The following SRSF5 variants were observed in gnomAD, a reference collection of about 807,000 sequenced individuals.
The protein encoded by SRSF5 is serine/arginine-rich splicing factor 5.
In SRSF5, 5 loss-of-function variants were observed where a neutral mutation model predicts 34.0. The observed-to-expected ratio is 0.15, with a 90% CI of 0.08 to 0.31. The LOEUF is 0.31. SRSF5 is among the 10% of genes least tolerant of loss of function. SRSF5 has a pLI of 1.00. For missense variants in SRSF5, 223 were observed against 351.4 expected (o/e 0.63, Z 2.92); for synonymous variants, 164 against 117.7 (o/e 1.39, Z -2.55).
In SRSF5 at chr14:69,771,532, G is replaced by A; in HGVS notation, c.*71G>A. On this transcript the variant is annotated 3_prime_UTR_variant, in exon 8 of 8. Transcript: ENST00000557154. ...CCACAAAAATTCCCAAACCATACTTGCTAAAAATTCTGGTAAGTATGTGCT... is the reference window on the plus strand; with the variant it reads ...CCACAAAAATTCCCAAACCATACTTACTAAAAATTCTGGTAAGTATGTGCT... 7.2e-7 allele frequency: 1 copy of A among 1,393,470 alleles called. No homozygotes were observed. Among genetic ancestry groups the A allele is most frequent in the Non-Finnish European group, 9.5e-7 (1 of 1,049,112 alleles). The allele number at this position is 1,393,470 out of a possible 1,614,324, so 86.3% of individuals were successfully genotyped here.
At chr14:69,767,438 A>C (rs1403381317) in intron 1 of SRSF5, 183 bp downstream of exon 1, 2 of 455,680 alleles carry the variant, frequency 4.4e-6, no homozygotes, top group East Asian at 1.4e-4. Context: ...CTGAGGTGAA[A>C]GGGCGGTCAC....
chr14:69,767,164 C>A lies in SRSF5; in HGVS notation c.-111C>A, dbSNP rs1178445337. 5.9e-6 allele frequency: 2 copies of A among 339,838 alleles called. No homozygotes were observed. Among genetic ancestry groups the A allele is most frequent in the Non-Finnish European group, 1.2e-5 (2 of 171,244 alleles). The allele number at this position is 339,838 out of a possible 1,614,324, so 21.1% of individuals were successfully genotyped here. A position where few individuals can be genotyped will look rare whatever the true frequency, so the allele number is the denominator to read the frequency against. ...TGCGTCAGTTGTGGAGTGGCGTAGA[C>A]GAGTTAAGTCCTGGTCTGCGTGGAG... On this transcript the variant is annotated 5_prime_UTR_variant, in exon 1 of 8. Coordinates refer to ENST00000557154, the MANE Select transcript of SRSF5 (RefSeq NM_001320214.2).
chr14:69,769,502 A>G, intron 5 of SRSF5: 4 of 1,535,348 alleles, frequency 2.6e-6, no homozygotes, highest in Non-Finnish European at 3.5e-6. Flanking sequence ...TAAACCCTTT[A>G]TTTGCCAGCC....
At chr14:69,769,678 C>T (rs569465958) in intron 5 of SRSF5, 1 of 1,488,392 alleles carries the variant, frequency 6.7e-7, no homozygotes, top group Non-Finnish European at 8.9e-7. Flanking sequence ...CGGTGCACTT[C>T]CTTGAAGTGC....
intron 2 of SRSF5, 119 bp downstream of exon 2, chr14:69,768,401 G>A: frequency 2.1e-6 from 3 of 1,452,916 alleles, no homozygotes; most frequent in East Asian, 4.6e-5. Flanking sequence ...CCAGCCTTAT[G>A]TCTGAATTTT....
intron 1 of SRSF5, 50 bp downstream of exon 1, chr14:69,767,305 T>C (rs763127525): frequency 1.6e-5 from 7 of 433,978 alleles, no homozygotes; most frequent in South Asian, 6.5e-5. Context: ...GGCTTCTTCA[T>C]GGCCGCTCAG....
rs1283785868 is a variant in SRSF5, at chr14:69,771,701, G to T, written c.*240G>T. Reference sequence around the variant, plus strand: ...GCTCACATTTTTGTGAATGTCTGAAGTATATAGTTTGTGTATATTGACAGA... The same window carrying T: ...GCTCACATTTTTGTGAATGTCTGAATTATATAGTTTGTGTATATTGACAGA... On this transcript the variant is annotated 3_prime_UTR_variant, in exon 8 of 8. Transcript: ENST00000557154. 1 of 500,910 alleles carries T rather than the reference G, an allele frequency of 2.0e-6. No homozygotes were observed. The highest frequency in any genetic ancestry group is 3.4e-5 in the East Asian group (1 of 29,740). 31.0% of individuals were successfully genotyped at this position (500,910 alleles called of 1,614,324 possible). A position where few individuals can be genotyped will look rare whatever the true frequency, so the allele number is the denominator to read the frequency against.
intron 1 of SRSF5, chr14:69,767,722 C>A (rs1882678913): frequency 5.6e-6 from 2 of 358,314 alleles, no homozygotes; most frequent in Non-Finnish European, 1.1e-5. Context: ...TTGGCGCAGG[C>A]GCGGTCGAGG....
Position 69,768,201 on chromosome 14 carries a change from C to G in SRSF5, c.45C>G (p.Ala15=), listed in dbSNP as rs773582219. ...TCATCGGGAGACTAAATCCAGCGGC[C>G]AGGGAGAAGGACGTGGAAAGATTCT... ...RVFIGRLNPA[A]REKDVERFFK... is the part of the protein sequence containing the mutation. Residue 15 remains alanine (A), a synonymous_variant, in exon 2 of 8, where the codon GCC becomes GCG. Coordinates refer to ENST00000557154, the MANE Select transcript of SRSF5 (RefSeq NM_001320214.2). 6.8e-6 allele frequency: 11 copies of G among 1,614,110 alleles called. No homozygotes were observed. The East Asian group carries it at 1.1e-4, about 16-fold the overall frequency.
rs1883259622 is a variant in SRSF5 at position 69,771,921 on chromosome 14, A to G, written c.*460A>G. 1 of 162,636 alleles carries G rather than the reference A, an allele frequency of 6.1e-6. No homozygotes were observed. The highest frequency in any genetic ancestry group is 1.3e-5 in the Non-Finnish European group (1 of 74,132). 10.1% of individuals were successfully genotyped at this position (162,636 alleles called of 1,614,324 possible). On this transcript the variant is annotated 3_prime_UTR_variant, in exon 8 of 8. Transcript: ENST00000557154. ...TTAATTTGTTTTCCTTGTTAGGGTC[A>G]AGGGTGTCCTCCACTCTTTAACAGC...
chr14:69,767,617 G>T (rs765572371), intron 1 of SRSF5: 1 of 444,452 alleles, frequency 2.2e-6, no homozygotes, highest in African/African-American at 2.0e-5. Context: ...GGGTTGCTGG[G>T]AGGAGAAGGG....
intron 2 of SRSF5, 121 bp downstream of exon 2, chr14:69,768,403 C>A: frequency 6.9e-7 from 1 of 1,445,044 alleles, no homozygotes. Context: ...AGCCTTATGT[C>A]TGAATTTTAT....
At position 69,771,207 on chromosome 14, in the gene SRSF5, A is replaced by C. The variant is rs200249998; in HGVS notation, c.565A>C (p.Arg189=). The C allele has an allele frequency of 4.5e-5, 73 of 1,614,048 alleles. No homozygotes were observed. Among genetic ancestry groups the C allele is most frequent in the Admixed American group, 6.7e-5 (4 of 60,002 alleles). ...GSKRHSRSRS[R]SRSRTRSSSR... ...CATTTTTCATAGTAGGTCAAGAAGC[A>C]GGTCTCGATCCCGGACCAGAAGTTC... The change falls in exon 8 of 8, where the codon AGG becomes CGG. Residue 189 remains arginine (R), a synonymous_variant. Transcript: ENST00000557154.
chr14:69,770,884 A>G lies in SRSF5; in HGVS notation c.441-111A>G. The G allele has an allele frequency of 6.5e-6, 6 of 928,872 alleles. No homozygotes were observed. In the South Asian group the frequency reaches 8.4e-5, roughly 13 times the overall value. The allele number at this position is 928,872 out of a possible 1,614,324, so 57.5% of individuals were successfully genotyped here. A position where few individuals can be genotyped will look rare whatever the true frequency, so the allele number is the denominator to read the frequency against. On this transcript the variant is annotated intron_variant, in intron 6 of 7. Transcript: ENST00000557154. ...GCTGTGTTATCCAGAAATAAGACTC[A>G]ATAGTAGCAATAGCAAAAGTGAACA...
intron 5 of SRSF5, chr14:69,769,696 C>T: frequency 6.8e-7 from 1 of 1,466,414 alleles, no homozygotes; most frequent in Non-Finnish European, 9.0e-7. Flanking sequence ...TGCCAGGTTG[C>T]AGCGATCCCA....
chr14:69,770,075 A>C (rs1312916990), intron 5 of SRSF5: 1 of 1,025,960 alleles, frequency 9.7e-7, no homozygotes, highest in African/African-American at 1.7e-5. Flanking sequence ...CATATGGGGC[A>C]CAAAATAACT....
Position 69,768,667 on chromosome 14 carries a change from A to G in SRSF5, c.190A>G (p.Ser64Gly). 1 of 1,614,202 alleles carries G rather than the reference A, an allele frequency of 6.2e-7. No individual in the cohort carries two copies. Among genetic ancestry groups the G allele is most frequent in the Non-Finnish European group, 8.5e-7 (1 of 1,180,014 alleles). The change falls in exon 3 of 8, where the codon AGT (serine) becomes GGT (glycine). Residue 64 changes from serine to glycine, a missense_variant. Around this residue, in one of 4 missense-constraint regions of SRSF5, gnomAD observed 27 missense variants for 90.7 expected, o/e 0.30. Coordinates refer to ENST00000557154, the MANE Select transcript of SRSF5 (RefSeq NM_001320214.2). ...VYELDGKELC[S>G]ERVTIEHARA... ...TGAGCTTGATGGAAAAGAACTCTGT[A>G]GTGAAAGGTGAGATTCCTGTGTAAC...
intron 5 of SRSF5, chr14:69,769,669 G>C: frequency 6.6e-7 from 1 of 1,504,490 alleles, no homozygotes; most frequent in African/African-American, 1.4e-5. Flanking sequence ...AGACGTTATC[G>C]GTGCACTTCC....
At position 69,768,131 on chromosome 14, in the gene SRSF5, C is replaced by G. The variant is rs761916066; in HGVS notation, c.-19-7C>G. On this transcript the variant is annotated splice_polypyrimidine_tract_variant and splice_region_variant and intron_variant, in intron 1 of 7. Coordinates refer to ENST00000557154, the MANE Select transcript of SRSF5 (RefSeq NM_001320214.2). ...GCTATTATCTCGATTGAATTACTTT[C>G]TAATAGGAAGTACTAGCCGGACATC... is the stretch of plus-strand genomic sequence containing the variant. 1 of 1,613,850 alleles carries G rather than the reference C, an allele frequency of 6.2e-7. No homozygotes were observed. The highest frequency in any genetic ancestry group is 1.7e-5 in the Admixed American group (1 of 59,962).
Sources: gnomAD v4.1 joint callset for allele counts on GRCh38, gnomAD v4.1.1 for gene constraint, gnomAD v4.1.1 regional missense constraint, MANE v1.5 for transcripts, NCBI Gene and HGNC (gene_info 2026-07-23, HGNC 2026-07-21) for gene names.